The following WNT5B variants were observed in gnomAD, a reference collection of about 807,000 sequenced individuals.
WNT5B encodes Wnt family member 5B, also known as protein Wnt-5b.
Under a neutral mutation model 36.5 loss-of-function variants are expected in WNT5B, and 18 were observed. The ratio of observed to expected loss-of-function variants is 0.49; its 90% CI spans 0.34 to 0.73. The LOEUF is 0.73. Among genes scored for constraint, WNT5B ranks in the 30% least tolerant of loss-of-function variants. The pLI is 0.01. For missense variants in WNT5B, 424 were observed against 508.4 expected (o/e 0.83, Z 1.60); for synonymous variants, 213 against 212.3 (o/e 1.00, Z -0.03).
chr12:1,641,287 G>T (rs963915710), intron 4 of WNT5B, among the ~76,000 whole-genome samples: 1 of 151,746 alleles, frequency 6.6e-6, no homozygotes, highest in Non-Finnish European at 1.5e-5. Context: ...TTGGGAGGCT[G>T]AGGCAGGAGA....
intron 3 of WNT5B, among the ~76,000 whole-genome samples, chr12:1,637,179 T>C (rs915755166): frequency 3.3e-5 from 5 of 152,234 alleles, no homozygotes; most frequent in African/African-American, 9.6e-5. Context: ...TATTCCATTG[T>C]ATGGATAATA....
chr12:1,639,970 T>C lies in WNT5B; in HGVS notation c.615T>C (p.Gly205=). The C allele has an allele frequency of 6.2e-7, 1 of 1,611,380 alleles. No homozygotes were observed. The highest frequency in any genetic ancestry group is 1.1e-5 in the South Asian group (1 of 90,672). The part of the protein sequence containing the change: ...VLMNLQNNEA[G]RRAVYKMADV... The stretch of plus-strand genomic sequence containing the variant: ...TGAACCTGCAAAACAACGAGGCCGG[T>C]CGCAGGGTAAGCTGGGCCTCCCCGG... The change falls in exon 4 of 5, where the codon GGT becomes GGC. Residue 205 remains glycine (G), a synonymous_variant. Transcript: ENST00000397196.
At chr12:1,624,760 T>G (rs1204555982), upstream of WNT5B, among the ~76,000 whole-genome samples, 4 of 152,172 alleles carry the variant, frequency 2.6e-5, no homozygotes. Context: ...AAGGTAAGTT[T>G]GAACCTTTAG....
intron 4 of WNT5B, among the ~76,000 whole-genome samples, chr12:1,641,590 G>A (rs1400858692): frequency 6.6e-6 from 1 of 151,972 alleles, no homozygotes; most frequent in African/African-American, 2.4e-5. Context: ...ATCACCTGAG[G>A]TCAGGAGTTC....
upstream of WNT5B, among the ~76,000 whole-genome samples, chr12:1,626,005 G>C (rs2094540459): frequency 6.7e-6 from 1 of 148,782 alleles, no homozygotes. Context: ...TTGAGGCAGG[G>C]TCTCAATCTG....
intron 3 of WNT5B, among the ~76,000 whole-genome samples, chr12:1,635,375 AGTGAAAACGTAAAAG>A (rs2094558752): frequency 6.6e-6 from 1 of 152,260 alleles, no homozygotes; most frequent in Admixed American, 6.5e-5. Context: ...AGCTTGGAAA[AGTGAAAACGTAAAAG>A]GCTTAATAGT....
At chr12:1,643,800 G>T (rs1191673157) in intron 4 of WNT5B, among the ~76,000 whole-genome samples, 1 of 135,084 alleles carries the variant, frequency 7.4e-6, no homozygotes, top group Non-Finnish European at 1.5e-5. Flanking sequence ...TACAAAAGGA[G>T]ATTTTGTATA....
chr12:1,643,362 A>G (rs1434458337), intron 4 of WNT5B, among the ~76,000 whole-genome samples: 1 of 152,110 alleles, frequency 6.6e-6, no homozygotes, highest in African/African-American at 2.4e-5. Context: ...CGTAGAACTA[A>G]AACTTTTTTC....
Position 1,631,937 on chromosome 12 carries a change from G to C in WNT5B, c.80+503G>C, listed in dbSNP as rs2094551700. Among the ~76,000 whole-genome samples, 4 of 152,234 alleles carry C rather than the reference G, an allele frequency of 2.6e-5. No individual in the cohort carries two copies. In the South Asian group the frequency reaches 8.3e-4, roughly 32 times the overall value. ...AGGCGATCACCACCTATTTTGCATGGTCTCTGCCACTAGCATTTTTACTCA... is the reference window on the plus strand; with the variant it reads ...AGGCGATCACCACCTATTTTGCATGCTCTCTGCCACTAGCATTTTTACTCA... On this transcript the variant is annotated intron_variant, in intron 2 of 4. Transcript: ENST00000397196.
chr12:1,632,720 G>A lies in WNT5B; in HGVS notation c.143G>A (p.Cys48Tyr), dbSNP rs2094553260. Residue 48 changes from cysteine to tyrosine, a missense_variant, in exon 3 of 5, where the codon TGC (cysteine) becomes TAC (tyrosine). Cys to Tyr is a radical substitution (Grantham distance 194). Transcript: ENST00000397196. The surrounding 1 kb of genome is among the most constrained non-coding windows in gnomAD (Gnocchi z 5.8). ...TTTATCATCGGTGCCCAGCCCGTGT[G>A]CAGTCAGCTTCCCGGGCTCTCCCCT... is the stretch of plus-strand genomic sequence containing the variant. ...EMFIIGAQPV[C>Y]SQLPGLSPGQ... The A allele has an allele frequency of 1.9e-6, 3 of 1,613,692 alleles. No homozygotes were observed. Among genetic ancestry groups the A allele is most frequent in the Non-Finnish European group, 1.7e-6 (2 of 1,179,640 alleles).
chr12:1,639,919 A>G lies in WNT5B; in HGVS notation c.564A>G (p.Gly188=). 6.2e-7 allele frequency: 1 copy of G among 1,614,054 alleles called. No individual in the cohort carries two copies. Among genetic ancestry groups the G allele is most frequent in the South Asian group, 1.1e-5 (1 of 91,080 alleles). Reference sequence around the variant, plus strand: ...AGCGAGAGAAGAACTTTGCCAAAGGATCAGAGGAGCAGGGCCGGGTGCTCA... The same window carrying G: ...AGCGAGAGAAGAACTTTGCCAAAGGGTCAGAGGAGCAGGGCCGGGTGCTCA... ...AREREKNFAK[G]SEEQGRVLMN... Residue 188 remains glycine, a synonymous_variant, in exon 4 of 5, where the codon GGA becomes GGG. Transcript: ENST00000397196.
upstream of WNT5B, among the ~76,000 whole-genome samples, chr12:1,624,943 G>T (rs2094539047): frequency 6.6e-6 from 1 of 151,982 alleles, no homozygotes; most frequent in South Asian, 2.1e-4. Flanking sequence ...ATGGGGTGGG[G>T]TTAATCAAGC....
intron 1 of WNT5B, among the ~76,000 whole-genome samples, chr12:1,619,623 G>C (rs923151077): frequency 4.6e-5 from 7 of 152,142 alleles, no homozygotes; most frequent in African/African-American, 1.7e-4. Context: ...GAAACAGATA[G>C]CTACAGAACT....
In WNT5B at chr12:1,630,611, C is replaced by A. The variant is rs1009414708; in HGVS notation, c.-57-687C>A. Among the ~76,000 whole-genome samples the A allele has an allele frequency of 2.0e-5, 3 of 152,172 alleles. No individual in the cohort carries two copies. Among genetic ancestry groups the A allele is most frequent in the African/African-American group, 7.2e-5 (3 of 41,438 alleles). ...CCACGGTGCCGGGAGGGGCAGGGGC[C>A]GCCTAGGGAGGCACCACCTCAGCCG... On this transcript the variant is annotated intron_variant, in intron 1 of 4. Coordinates refer to ENST00000397196, the MANE Select transcript of WNT5B (RefSeq NM_032642.3). This position sits in a 1 kb window ranked among gnomAD's most constrained non-coding sequence, Gnocchi z 5.3.
intron 1 of WNT5B, 139 bp from the exon 2 acceptor site, chr12:1,631,159 G>A (rs1425478412): frequency 1.5e-6 from 1 of 685,632 alleles, no homozygotes; most frequent in Non-Finnish European, 2.3e-6. Flanking sequence ...GGAGGCGGAG[G>A]CTGGAAAGAG....
chr12:1,644,719 G>C lies in WNT5B; in HGVS notation c.622-1075G>C, dbSNP rs1236225231. On this transcript the variant is annotated intron_variant, in intron 4 of 4. Transcript: ENST00000397196. The surrounding 1 kb of genome is among the most constrained non-coding windows in gnomAD (Gnocchi z 5.1). The stretch of plus-strand genomic sequence containing the variant: ...TCTGCACGTCTAGGCCTGCTGCCAG[G>C]GTTGGTTGCCATGGTGCGTCAGCAT... 6.6e-6 allele frequency: 1 copy of C among 152,240 alleles called. No homozygotes were observed. The highest frequency in any genetic ancestry group is 1.5e-5 in the Non-Finnish European group (1 of 68,052). 9.4% of individuals were successfully genotyped at this position (152,240 alleles called of 1,614,324 possible).
intron 3 of WNT5B, 122 bp from the exon 4 acceptor site, chr12:1,639,562 C>G: frequency 9.0e-7 from 1 of 1,107,680 alleles, no homozygotes; most frequent in African/African-American, 1.7e-5. Context: ...GGAAGCGAAG[C>G]CCCCTGCCCC....
At chr12:1,625,007 T>C (rs1022056573), upstream of WNT5B, among the ~76,000 whole-genome samples, 1 of 151,994 alleles carries the variant, frequency 6.6e-6, no homozygotes, top group African/African-American at 2.4e-5. Context: ...TAGTTTAATA[T>C]CTGGATTGCT....
Position 1,629,990 on chromosome 12 carries a change from T to G in WNT5B, c.-58+619T>G, listed in dbSNP as rs557472436. The G allele has an allele frequency of 1.3e-3, 447 of 349,892 alleles. 4 individuals are homozygous for G. The highest frequency in any genetic ancestry group is 9.1e-3 in the African/African-American group (417 of 45,586). The allele number at this position is 349,892 out of a possible 1,614,324, so 21.7% of individuals were successfully genotyped here. ...CCGGCCCCACACACCTGCCTGTTGGTGCCCCCGCCCCAGCCGAGGCTTCGA... is the reference window on the plus strand; with the variant it reads ...CCGGCCCCACACACCTGCCTGTTGGGGCCCCCGCCCCAGCCGAGGCTTCGA... On this transcript the variant is annotated intron_variant, in intron 1 of 4. Coordinates refer to ENST00000397196, the MANE Select transcript of WNT5B (RefSeq NM_032642.3).
Sources: gnomAD v4.1 joint callset for allele counts (sites outside exome capture counted in the v4.1 genomes callset) on GRCh38, gnomAD v4.1.1 for gene constraint, Gnocchi (gnomAD v3.1) non-coding constraint, MANE v1.5 for transcripts, NCBI Gene and HGNC (gene_info 2026-07-23, HGNC 2026-07-21) for gene names.